Variants in FHIT observed in about 807,000 individuals in gnomAD.
FHIT encodes bis(5'-adenosyl)-triphosphatase.
A neutral mutation model predicts 17.9 loss-of-function variants in FHIT; 19 were observed. The observed-to-expected ratio is 1.06, with a 90% confidence interval of 0.74 to 1.56. The LOEUF (loss-of-function observed/expected upper bound fraction) is 1.56, where lower values mean the gene tolerates loss of function less well. FHIT is among the 40% of genes most tolerant of loss of function. The probability of loss-of-function intolerance (pLI) is 0.00; values close to 1 mark genes in which losing one functional copy is unlikely to be tolerated. For missense variants in FHIT, 248 were observed against 189.2 expected (o/e 1.31, Z -1.82); for synonymous variants, 81 against 69.7 (o/e 1.16, Z -0.81).
At chr3:60,051,871 ATCTGGGAAGGTAGGAGTACTGACCCAC>A (rs1224330363) in intron 5 of FHIT, among the ~76,000 whole-genome samples, 1 of 152,142 alleles carries the variant, frequency 6.6e-6, no homozygotes, top group East Asian at 1.9e-4. Flanking sequence ...CAACTGCCTA[ATCTGGGAAGGTAGGAGTACTGACCCAC>A]TCTGTGAAAC....
At position 60,579,091 on chromosome 3, in the gene FHIT, C is replaced by G. The variant is rs138252613; in HGVS notation, c.-17-42112G>C. Among the ~76,000 whole-genome samples, 3 of 152,256 alleles carry G rather than the reference C, an allele frequency of 2.0e-5. No individual in the cohort carries two copies. The East Asian group carries it at 5.8e-4, about 30-fold the overall frequency. On this transcript the variant is annotated intron_variant, in intron 4 of 9. Coordinates refer to ENST00000492590, the MANE Select transcript of FHIT (RefSeq NM_002012.4). ...CACTTGTAAGTAGTAGAGGAGCAAG[C>G]ATACCTGTACAGTCATGCATTGCTT...
intron 4 of FHIT, among the ~76,000 whole-genome samples, chr3:60,590,667 T>C (rs2038055375): frequency 6.6e-6 from 1 of 152,168 alleles, no homozygotes; most frequent in Non-Finnish European, 1.5e-5. Flanking sequence ...CTAAAAAATC[T>C]TATTCCATTA....
intron 5 of FHIT, among the ~76,000 whole-genome samples, chr3:60,501,852 C>T (rs2034538264): frequency 2.0e-5 from 3 of 152,184 alleles, no homozygotes; most frequent in Admixed American, 2.0e-4. Context: ...TACGTGCATA[C>T]ACATGCATAT....
chr3:60,344,503 G>A (rs1710678535), intron 5 of FHIT, among the ~76,000 whole-genome samples: 1 of 152,122 alleles, frequency 6.6e-6, no homozygotes, highest in African/African-American at 2.4e-5. Flanking sequence ...CACATTCCAT[G>A]AGCCCATATC....
intron 3 of FHIT, among the ~76,000 whole-genome samples, chr3:60,969,114 C>T (rs56883437): frequency 0.012 from 1,831 of 152,008 alleles, 36 homozygotes; most frequent in African/African-American, 0.041. Flanking sequence ...GATATTGCTT[C>T]TTCCTTAAAT....
chr3:59,829,210 C>T (rs1002477165), intron 8 of FHIT, among the ~76,000 whole-genome samples: 7 of 152,118 alleles, frequency 4.6e-5, no homozygotes, highest in Non-Finnish European at 1.0e-4. Flanking sequence ...AATCTCTACA[C>T]AATTAATTTT....
At chr3:60,979,084 C>T (rs1192458201) in intron 3 of FHIT, among the ~76,000 whole-genome samples, 1 of 152,134 alleles carries the variant, frequency 6.6e-6, no homozygotes, top group African/African-American at 2.4e-5. Flanking sequence ...GATGAAAATA[C>T]ATCTGATGAT....
At chr3:60,144,565 T>C (rs1700161408) in intron 5 of FHIT, among the ~76,000 whole-genome samples, 1 of 152,190 alleles carries the variant, frequency 6.6e-6, no homozygotes, top group Non-Finnish European at 1.5e-5. Context: ...CTTGAACATT[T>C]TCTCAGTTAA....
intron 5 of FHIT, among the ~76,000 whole-genome samples, chr3:60,285,818 G>C (rs906131410): frequency 4.6e-5 from 7 of 152,292 alleles, no homozygotes; most frequent in African/African-American, 1.7e-4. Flanking sequence ...AGGTACATGT[G>C]ATAATGTAAT....
At chr3:60,703,987 AT>A (rs1313255263) in intron 4 of FHIT, among the ~76,000 whole-genome samples, 22 of 150,298 alleles carry the variant, frequency 1.5e-4, no homozygotes, top group African/African-American at 3.8e-4. Context: ...TGGCTATAAA[AT>A]TTTTTTTTAA....
chr3:59,824,006 A>T (rs6791382), intron 8 of FHIT, among the ~76,000 whole-genome samples: 11 of 152,184 alleles, frequency 7.2e-5, no homozygotes, highest in African/African-American at 2.7e-4. Context: ...AAGTTTCAAG[A>T]TAGAAATTAA....
intron 4 of FHIT, among the ~76,000 whole-genome samples, chr3:60,710,151 C>G (rs1270676065): frequency 6.7e-6 from 1 of 148,348 alleles, no homozygotes; most frequent in Non-Finnish European, 1.5e-5. Flanking sequence ...CAAGGATATT[C>G]TTAGAAAAAG....
In FHIT at chr3:59,963,470, G is replaced by A. The variant is rs185523642; in HGVS notation, c.280-41056C>T. ...ATTTTTGTTACATGAGAGAGAGAAG[G>A]AGGAGGAGAGAGAGAGAGAGACAGA... On this transcript the variant is annotated intron_variant, in intron 7 of 9. Transcript: ENST00000492590. 3.4e-3 allele frequency among the ~76,000 whole-genome samples: 521 copies of A among 152,038 alleles called. 5 individuals carry two copies. The highest frequency in any genetic ancestry group is 0.012 in the African/African-American group (493 of 41,454).
chr3:59,774,997 ACT>A (rs919859686), intron 8 of FHIT, among the ~76,000 whole-genome samples: 3 of 151,858 alleles, frequency 2.0e-5, no homozygotes, highest in Non-Finnish European at 4.4e-5. Flanking sequence ...TGAACTAAAA[ACT>A]CTATTTTAAC....
chr3:60,995,684 C>G (rs575807562), intron 3 of FHIT, among the ~76,000 whole-genome samples: 101 of 152,302 alleles, frequency 6.6e-4, no homozygotes, highest in African/African-American at 2.4e-3. Flanking sequence ...ATCCATTGCC[C>G]GCTTTAGGTC....
At chr3:60,694,209 T>G (rs994871480) in intron 4 of FHIT, among the ~76,000 whole-genome samples, 2 of 152,070 alleles carry the variant, frequency 1.3e-5, no homozygotes, top group African/African-American at 4.8e-5. Context: ...TCTCTGGGCA[T>G]GATCCTGCCT....
chr3:60,458,782 T>C (rs996186754), intron 5 of FHIT, among the ~76,000 whole-genome samples: 1 of 152,030 alleles, frequency 6.6e-6, no homozygotes, highest in Admixed American at 6.6e-5. Context: ...TTCTACTATA[T>C]ATATTTTTAA....
intron 3 of FHIT, among the ~76,000 whole-genome samples, chr3:61,006,935 AC>A (rs1325297827): frequency 6.6e-6 from 1 of 152,174 alleles, no homozygotes; most frequent in Admixed American, 6.5e-5. Flanking sequence ...AGAAAAATTA[AC>A]CACAGAATAT....
At chr3:60,284,903 T>C (rs990559131) in intron 5 of FHIT, among the ~76,000 whole-genome samples, 6 of 152,160 alleles carry the variant, frequency 3.9e-5, no homozygotes, top group African/African-American at 1.4e-4. Flanking sequence ...AGAACATATC[T>C]GTGTTTGGCT....
Sources: allele counts gnomAD v4.1 joint callset (sites outside exome capture counted in the v4.1 genomes callset), GRCh38; gene constraint gnomAD v4.1.1; transcripts MANE v1.5; gene names NCBI Gene and HGNC (gene_info 2026-07-23, HGNC 2026-07-21).